BTAF1: variants seen among roughly 807,000 people sequenced by gnomAD.
BTAF1 encodes B-TFIID TATA-box binding protein associated factor 1.
In BTAF1, 38 loss-of-function variants were observed where a neutral mutation model predicts 227.1. The ratio of observed to expected loss-of-function variants is 0.17; its 90% confidence interval spans 0.13 to 0.22. BTAF1 has a LOEUF of 0.22. Ranked by LOEUF, BTAF1 falls within the 10% of genes least tolerant of loss-of-function variation. The probability of loss-of-function intolerance (pLI) is 1.00; values close to 1 mark genes in which losing one functional copy is unlikely to be tolerated. For synonymous variants in BTAF1, 742 were observed against 751.9 expected, an observed-to-expected ratio of 0.99 and a Z score of 0.21; for missense variants, 1,598 against 2,204.0, an observed-to-expected ratio of 0.73 and a Z score of 5.51.
At chr10:91,975,850 A>C (rs1847643529) in intron 14 of BTAF1, among the ~76,000 whole-genome samples, 1 of 152,178 alleles carries the variant, frequency 6.6e-6, no homozygotes, top group South Asian at 2.1e-4. Flanking sequence ...TGGCTGAGCC[A>C]TTTTTACAAT....
At chr10:91,950,359 T>TC (rs397790597) in intron 4 of BTAF1, among the ~76,000 whole-genome samples, 1 of 151,760 alleles carries the variant, frequency 6.6e-6, no homozygotes, top group Non-Finnish European at 1.5e-5. Context: ...TTTTTTTTTT[T>TC]CCTGGTGCCT....
Position 92,006,039 on chromosome 10 carries a change from A to AT in BTAF1, c.3661-2078dup, listed in dbSNP as rs200311120. On this transcript the variant is annotated intron_variant, in intron 25 of 37. Transcript: ENST00000265990. ...CAGTCCCATGTCACCACACCTGGCT[A>AT]TTTTTTAAAATTTTTTGTAGAGATG... Among the ~76,000 whole-genome samples, 179 of 152,056 alleles carry AT rather than the reference A, an allele frequency of 1.2e-3. No homozygotes were observed. In the East Asian group the frequency reaches 0.026, roughly 22 times the overall value.
At chr10:91,941,318 A>G (rs751192437) in intron 3 of BTAF1, among the ~76,000 whole-genome samples, 27 of 152,234 alleles carry the variant, frequency 1.8e-4, no homozygotes, top group African/African-American at 6.5e-4. Flanking sequence ...AATTTTTACT[A>G]AATGAATTTG....
At chr10:91,993,651 A>AT (rs1848952040) in intron 21 of BTAF1, 43 bp from the exon 22 acceptor site, 3 of 1,354,720 alleles carry the variant, frequency 2.2e-6, no homozygotes, top group African/African-American at 3.0e-5. Context: ...ATGTATTATG[A>AT]TTTTTTCTGA....
rs1056571345 is a variant in BTAF1 at position 91,950,156 on chromosome 10, G to C, written c.401-1247G>C. Among the ~76,000 whole-genome samples, 18 of 39,564 alleles carry C rather than the reference G, an allele frequency of 4.5e-4. 1 individual carries two copies. The highest frequency in any genetic ancestry group is 1.4e-3 in the Admixed American group (4 of 2,802). The allele number at this position is 39,564 out of a possible 152,430, so 26.0% of individuals were successfully genotyped here. On this transcript the variant is annotated intron_variant, in intron 4 of 37. Transcript: ENST00000265990. ...AGAGACCTTGTCCTTTGTGGGGGGG[G>C]GCGGGAAAGAAGACTAGGTTTTTAA...
intron 23 of BTAF1, 96 bp downstream of exon 23, chr10:91,994,740 C>A: frequency 1.0e-6 from 1 of 996,268 alleles, no homozygotes; most frequent in Non-Finnish European, 1.5e-6. Context: ...TGATGTCATC[C>A]TTATTAATTG....
At chr10:92,024,732 G>GTTTTTTTTTTTTTTTTTTTTTT in intron 34 of BTAF1, 24 bp from the exon 35 acceptor site, 1 of 1,267,284 alleles carries the variant, frequency 7.9e-7, no homozygotes, top group Non-Finnish European at 1.1e-6. Context: ...CGCTTATGTA[G>GTTTTTTTTTTTTTTTTTTTTTT]TTTTTTTTTT....
intron 20 of BTAF1, among the ~76,000 whole-genome samples, chr10:91,990,413 A>G (rs1319241501): frequency 6.6e-6 from 1 of 150,906 alleles, no homozygotes; most frequent in Non-Finnish European, 1.5e-5. Context: ...TTTTTTTTTA[A>G]TTCATGGTGA....
chr10:91,936,952 C>A (rs913830629), intron 2 of BTAF1, among the ~76,000 whole-genome samples: 2 of 152,068 alleles, frequency 1.3e-5, no homozygotes, highest in African/African-American at 2.4e-5. Context: ...AGCACTGTCT[C>A]ACCGTCTTTC....
rs1850055197 is a variant in BTAF1 at position 92,008,123 on chromosome 10, G to A, written c.3661G>A (p.Ala1221Thr). The change falls in exon 26 of 38, where the codon GCA (alanine) becomes ACA (threonine). Residue 1221 changes from alanine to threonine, a missense_variant and splice_region_variant. Around this residue, in one of 10 missense-constraint regions of BTAF1, gnomAD observed 425 missense variants for 491.2 expected, o/e 0.87. Coordinates refer to ENST00000265990, the MANE Select transcript of BTAF1 (RefSeq NM_003972.3). ...ATLIRLMPLE[A>T]GIPDPPNMSA... is the part of the protein sequence containing the mutation. The stretch of plus-strand genomic sequence containing the variant: ...AATAACTTTAAAAAAATCATTTTAG[G>A]CAGGCATTCCAGACCCTCCAAACAT... 6.4e-7 allele frequency: 1 copy of A among 1,566,902 alleles called. No homozygotes were observed. Among genetic ancestry groups the A allele is most frequent in the Non-Finnish European group, 8.6e-7 (1 of 1,167,532 alleles).
intron 4 of BTAF1, among the ~76,000 whole-genome samples, chr10:91,949,996 G>A (rs895657061): frequency 6.6e-6 from 1 of 152,034 alleles, no homozygotes; most frequent in Non-Finnish European, 1.5e-5. Flanking sequence ...AAAAAAATTA[G>A]CCAGGAATGG....
chr10:91,923,822 G>T lies in BTAF1; in HGVS notation c.-255G>T, dbSNP rs1045106424. On this transcript the variant is annotated 5_prime_UTR_variant, in exon 1 of 38. Transcript: ENST00000265990. Reference sequence around the variant, plus strand: ...CAAAGAGCGGAGCTGAGGGTACCCGGTTTGAAGTCGTGCGGGTCGGAGGAC... The same window carrying T: ...CAAAGAGCGGAGCTGAGGGTACCCGTTTTGAAGTCGTGCGGGTCGGAGGAC... 3.9e-5 allele frequency: 17 copies of T among 431,640 alleles called. No homozygotes were observed. In the South Asian group the frequency reaches 8.4e-4, roughly 21 times the overall value. The allele number at this position is 431,640 out of a possible 1,614,324, so 26.7% of individuals were successfully genotyped here. A position where few individuals can be genotyped will look rare whatever the true frequency, so the allele number is the denominator to read the frequency against.
chr10:91,946,964 T>TCCTGC lies in BTAF1; in HGVS notation c.400+4397_400+4401dup, dbSNP rs1451462924. 4.6e-5 allele frequency among the ~76,000 whole-genome samples: 7 copies of TCCTGC among 152,044 alleles called. No homozygotes were observed. In the East Asian group the frequency reaches 1.2e-3, roughly 25 times the overall value. ...AAATGATTCTCCTGCCTTGGCTTCT[T>TCCTGC]CCTGCAGTAGCTGGGATTACTGGTG... On this transcript the variant is annotated intron_variant, in intron 4 of 37. Transcript: ENST00000265990.
At chr10:91,924,747 A>G (rs547245492) in intron 1 of BTAF1, among the ~76,000 whole-genome samples, 9 of 152,228 alleles carry the variant, frequency 5.9e-5, no homozygotes, top group Non-Finnish European at 8.8e-5. Flanking sequence ...CAGGAAAACT[A>G]TAGAAAAACT....
At chr10:91,960,774 G>A (rs1022261600) in intron 11 of BTAF1, among the ~76,000 whole-genome samples, 4 of 152,094 alleles carry the variant, frequency 2.6e-5, no homozygotes, top group African/African-American at 7.2e-5. Flanking sequence ...ACAGTGTTTA[G>A]TGTAATGTTA....
chr10:91,926,414 G>C (rs1280677225), intron 1 of BTAF1, among the ~76,000 whole-genome samples: 1 of 152,166 alleles, frequency 6.6e-6, no homozygotes, highest in African/African-American at 2.4e-5. Context: ...AGAAATTTGA[G>C]AATGTTCTTT....
At chr10:91,966,069 C>T (rs1341033863) in intron 13 of BTAF1, among the ~76,000 whole-genome samples, 1 of 152,176 alleles carries the variant, frequency 6.6e-6, no homozygotes, top group Non-Finnish European at 1.5e-5. Flanking sequence ...GTTTGCTTCC[C>T]CATTTAAAAC....
intron 9 of BTAF1, 60 bp downstream of exon 9, chr10:91,959,214 G>A (rs1846312644): frequency 1.7e-5 from 28 of 1,610,444 alleles, no homozygotes; most frequent in Non-Finnish European, 2.1e-5. Flanking sequence ...TTTTTCCAAT[G>A]TAGGGAAGTA....
intron 24 of BTAF1, 117 bp from the exon 25 acceptor site, chr10:91,997,486 T>C: frequency 1.1e-6 from 1 of 886,182 alleles, no homozygotes; most frequent in Non-Finnish European, 1.7e-6. Context: ...GTCTTTTCCC[T>C]CATAATACAG....
Sources: gnomAD v4.1 joint callset for allele counts (sites outside exome capture counted in the v4.1 genomes callset) on GRCh38, gnomAD v4.1.1 for gene constraint, gnomAD v4.1.1 regional missense constraint, MANE v1.5 for transcripts, NCBI Gene and HGNC (gene_info 2026-07-23, HGNC 2026-07-21) for gene names.